Variants in FAF1 observed in about 807,000 individuals in gnomAD.
FAF1 encodes Fas associated factor 1, also known as FAS-associated factor 1.
FAF1 carries 25 observed loss-of-function variants against 92.5 expected under a neutral mutation model. That is an observed-to-expected ratio of 0.27 (90% CI 0.20 to 0.38). The LOEUF (loss-of-function observed/expected upper bound fraction) is 0.38, where lower values mean the gene tolerates loss of function less well. FAF1 is among the 10% of genes least tolerant of loss of function. The pLI is 1.00. For synonymous variants in FAF1, 234 were observed against 273.2 expected (o/e 0.86, Z 1.42); for missense variants, 636 against 793.3 (o/e 0.80, Z 2.38).
chr1:50,865,320 C>T (rs1644471005), intron 1 of FAF1, among the ~76,000 whole-genome samples: 1 of 151,580 alleles, frequency 6.6e-6, no homozygotes, highest in Non-Finnish European at 1.5e-5. Context: ...CCATTTGACC[C>T]AGCCATCCCA....
chr1:50,850,409 T>C (rs1644338597), intron 2 of FAF1, among the ~76,000 whole-genome samples: 1 of 152,098 alleles, frequency 6.6e-6, no homozygotes, highest in Admixed American at 6.5e-5. Context: ...CAGTTTCCTG[T>C]AACTAAAGCA....
intron 1 of FAF1, among the ~76,000 whole-genome samples, chr1:50,862,438 C>A (rs1163769465): frequency 6.6e-6 from 1 of 151,494 alleles, no homozygotes; most frequent in Non-Finnish European, 1.5e-5. Flanking sequence ...GGGCAGTGGG[C>A]AGAGGAGAAT....
chr1:50,669,284 G>C (rs888078574), intron 7 of FAF1, among the ~76,000 whole-genome samples: 1 of 151,830 alleles, frequency 6.6e-6, no homozygotes, highest in Non-Finnish European at 1.5e-5. Context: ...TAACTATGGA[G>C]GCTTCCATAA....
At chr1:50,728,190 T>C (rs1490006198) in intron 6 of FAF1, among the ~76,000 whole-genome samples, 2 of 152,172 alleles carry the variant, frequency 1.3e-5, no homozygotes, top group Non-Finnish European at 2.9e-5. Context: ...GGGGCTGTTT[T>C]AGATAGGGGC....
intron 7 of FAF1, among the ~76,000 whole-genome samples, chr1:50,689,979 A>G (rs777188753): frequency 1.9e-4 from 28 of 151,096 alleles, no homozygotes; most frequent in Non-Finnish European, 3.1e-4. Flanking sequence ...CTGTGTTTAA[A>G]TTACATTATA....
intron 1 of FAF1, among the ~76,000 whole-genome samples, chr1:50,864,075 C>A (rs1044000574): frequency 6.6e-6 from 1 of 151,590 alleles, no homozygotes; most frequent in Non-Finnish European, 1.5e-5. Context: ...TTTATTGTGT[C>A]TATTTGATTC....
In FAF1 at chr1:50,949,755, A is replaced by G. The variant is rs74082109; in HGVS notation, c.45+10012T>C. ...AATCTAGGTCAGTTATCTGAATTACAATTGATTGTCCTCAGTCCCACGGCT... is the reference window on the plus strand; with the variant it reads ...AATCTAGGTCAGTTATCTGAATTACGATTGATTGTCCTCAGTCCCACGGCT... On this transcript the variant is annotated intron_variant, in intron 1 of 18. Coordinates refer to ENST00000396153, the MANE Select transcript of FAF1 (RefSeq NM_007051.3). Among the ~76,000 whole-genome samples the G allele has an allele frequency of 7.7e-3, 1,174 of 152,268 alleles. 13 individuals are homozygous for G. Among genetic ancestry groups the G allele is most frequent in the African/African-American group, 0.027 (1,134 of 41,558 alleles).
intron 12 of FAF1, among the ~76,000 whole-genome samples, chr1:50,573,069 G>A (rs1286518670): frequency 1.3e-5 from 2 of 151,750 alleles, no homozygotes; most frequent in Non-Finnish European, 2.9e-5. Flanking sequence ...AAAAGCAGGA[G>A]AGAGTGACTT....
intron 8 of FAF1, among the ~76,000 whole-genome samples, chr1:50,623,813 T>TCC: frequency 6.6e-6 from 1 of 151,700 alleles, no homozygotes; most frequent in East Asian, 1.9e-4. Flanking sequence ...CATGGTGGTA[T>TCC]GCGCCTGTAG....
chr1:50,786,896 T>C (rs570956559), intron 4 of FAF1, among the ~76,000 whole-genome samples: 1 of 152,296 alleles, frequency 6.6e-6, no homozygotes, highest in African/African-American at 2.4e-5. Context: ...AGAAAAGGAA[T>C]AACATAATCT....
At chr1:50,690,620 A>C (rs529618075) in intron 7 of FAF1, among the ~76,000 whole-genome samples, 4 of 152,268 alleles carry the variant, frequency 2.6e-5, no homozygotes, top group South Asian at 2.1e-4. Flanking sequence ...AACAAACAAA[A>C]AAAACTGTTG....
intron 4 of FAF1, 56 bp downstream of exon 4, chr1:50,787,944 C>A: frequency 6.8e-7 from 1 of 1,473,176 alleles, no homozygotes; most frequent in African/African-American, 1.4e-5. Flanking sequence ...AAAATATAAC[C>A]TGAATGTTTA....
intron 13 of FAF1, among the ~76,000 whole-genome samples, chr1:50,548,475 T>A (rs1649140925): frequency 6.6e-6 from 1 of 152,228 alleles, no homozygotes; most frequent in Admixed American, 6.5e-5. Context: ...CAATAACCTT[T>A]ATCTTCACTA....
chr1:50,715,933 C>T (rs1270811263), intron 6 of FAF1, among the ~76,000 whole-genome samples: 36 of 152,174 alleles, frequency 2.4e-4, no homozygotes, highest in Admixed American at 2.4e-3. Context: ...TATTAGCTTA[C>T]ATATATCAAG....
At chr1:50,573,405 G>A (rs190816790) in intron 12 of FAF1, among the ~76,000 whole-genome samples, 6 of 151,838 alleles carry the variant, frequency 4.0e-5, no homozygotes, top group African/African-American at 1.2e-4. Context: ...GGCCTGAAGC[G>A]GAATTTTAAA....
chr1:50,482,849 T>A (rs1646718996), intron 17 of FAF1, among the ~76,000 whole-genome samples: 1 of 152,170 alleles, frequency 6.6e-6, no homozygotes, highest in Admixed American at 6.5e-5. Context: ...AATACTTGGG[T>A]TGCTTTCTTA....
intron 1 of FAF1, among the ~76,000 whole-genome samples, chr1:50,865,257 A>G (rs1010895057): frequency 3.3e-5 from 5 of 152,166 alleles, no homozygotes; most frequent in Non-Finnish European, 7.3e-5. Context: ...AAACTAGTTC[A>G]ACCACTGTGG....
intron 18 of FAF1, chr1:50,452,301 G>T: frequency 2.2e-6 from 1 of 460,122 alleles, no homozygotes; most frequent in Non-Finnish European, 3.8e-6. Context: ...ATTCATAAGT[G>T]AAGATTCTGT....
chr1:50,736,729 C>T lies in FAF1; in HGVS notation c.551+2134G>A, dbSNP rs1659155159. Among the ~76,000 whole-genome samples, 3 of 150,318 alleles carry T rather than the reference C, an allele frequency of 2.0e-5. No individual in the cohort carries two copies. In the South Asian group the frequency reaches 6.3e-4, roughly 32 times the overall value. On this transcript the variant is annotated intron_variant, in intron 6 of 18. Transcript: ENST00000396153. ...TCATGCCATTGTACTCCAGCCTGGG[C>T]AACAAGAGCGAAACTCCGTCTCCAA...
Sources: allele counts gnomAD v4.1 joint callset (sites outside exome capture counted in the v4.1 genomes callset), GRCh38; gene constraint gnomAD v4.1.1; transcripts MANE v1.5; gene names NCBI Gene and HGNC (gene_info 2026-07-23, HGNC 2026-07-21).